FBN2: variants seen among roughly 807,000 people sequenced by gnomAD.
The protein encoded by FBN2 is fibrillin 2, also known as fibrillin-2.
In FBN2, 105 loss-of-function variants were observed where a neutral mutation model predicts 355.6. The ratio of observed to expected loss-of-function variants is 0.30; its 90% CI spans 0.25 to 0.35. FBN2 has a LOEUF of 0.35. FBN2 is among the 10% of genes least tolerant of loss of function. FBN2 has a pLI of 1.00. For synonymous variants in FBN2, 1,350 were observed against 1,301.2 expected (o/e 1.04, Z -0.81); for missense variants, 3,280 against 3,758.7 (o/e 0.87, Z 3.33).
intron 7 of FBN2, among the ~76,000 whole-genome samples, chr5:128,437,046 A>G (rs1753784754): frequency 6.6e-6 from 1 of 152,220 alleles, no homozygotes; most frequent in Non-Finnish European, 1.5e-5. Context: ...AATGTGAATG[A>G]GTCACCTTTT....
intron 44 of FBN2, 105 bp downstream of exon 44, chr5:128,305,406 G>A: frequency 7.6e-7 from 1 of 1,312,244 alleles, no homozygotes; most frequent in East Asian, 2.3e-5. Flanking sequence ...AAATGAACAG[G>A]TTAAGTGAGA....
chr5:128,335,721 T>C (rs1581224485), intron 28 of FBN2, 144 bp from the exon 29 acceptor site: 1 of 1,082,062 alleles, frequency 9.2e-7, no homozygotes, highest in Non-Finnish European at 1.4e-6. Context: ...CTTAGTTCTT[T>C]CACCTTCATT....
chr5:128,263,711 G>C, intron 62 of FBN2, 55 bp from the exon 63 acceptor site: 1 of 1,321,700 alleles, frequency 7.6e-7, no homozygotes, highest in Non-Finnish European at 1.1e-6. Context: ...GAGCAAAAAC[G>C]TGAACAAGTC....
chr5:128,489,492 T>G (rs1385805042), intron 5 of FBN2, among the ~76,000 whole-genome samples: 2 of 152,316 alleles, frequency 1.3e-5, no homozygotes, highest in African/African-American at 4.8e-5. Flanking sequence ...TTCCTTCTAG[T>G]CTACTTAAGA....
At position 128,361,830 on chromosome 5, in the gene FBN2, A is replaced by G. The variant is rs769698744; in HGVS notation, c.2447T>C (p.Val816Ala). 5.3e-5 allele frequency: 86 copies of G among 1,614,130 alleles called. No homozygotes were observed. The South Asian group carries it at 9.3e-4, about 18-fold the overall frequency. The change falls in exon 19 of 65, where the codon GTA becomes GCA. Residue 816 changes from valine (V) to alanine (A), a missense_variant. Val to Ala is a moderately conservative substitution (Grantham distance 64). Around this residue, in one of 6 missense-constraint regions of FBN2, gnomAD observed 2,284 missense variants for 2,749.5 expected, o/e 0.83. Transcript: ENST00000262464. ...RNCIDIDECL[V>A]NRLLCDNGLC... ...TCCGTTATCACAAAGCAGTCTGTTT[A>G]CTAAACATTCATCAATGTCTGAAAG...
At position 128,500,419 on chromosome 5, in the gene FBN2, C is replaced by A. The variant is rs796507861; in HGVS notation, c.628+18854G>T. ...GATATAGGGAATGAAAATGATGAGA[C>A]TCTGACAATTCTTTTTTTTTTTTTT... On this transcript the variant is annotated intron_variant, in intron 5 of 64. Transcript: ENST00000262464. 7.6e-4 allele frequency among the ~76,000 whole-genome samples: 104 copies of A among 136,744 alleles called. 1 individual carries two copies. The highest frequency in any genetic ancestry group is 2.9e-3 in the African/African-American group (103 of 35,412). 89.7% of individuals were successfully genotyped at this position (136,744 alleles called of 152,430 possible). A position where few individuals can be genotyped will look rare whatever the true frequency, so the allele number is the denominator to read the frequency against.
intron 5 of FBN2, among the ~76,000 whole-genome samples, chr5:128,503,940 C>T (rs1389537547): frequency 3.3e-5 from 5 of 152,106 alleles, no homozygotes; most frequent in Non-Finnish European, 5.9e-5. Context: ...GCCTGGTCCC[C>T]AGGCCCCCCA....
intron 4 of FBN2, among the ~76,000 whole-genome samples, chr5:128,520,109 G>C (rs114432033): frequency 0.026 from 3,931 of 152,170 alleles, 173 homozygotes; most frequent in African/African-American, 0.091. Context: ...CAAACACACA[G>C]CACACACTCT....
At chr5:128,536,928 T>C (rs1228262000) in intron 1 of FBN2, among the ~76,000 whole-genome samples, 1 of 151,896 alleles carries the variant, frequency 6.6e-6, no homozygotes, top group African/African-American at 2.4e-5. Flanking sequence ...GATGAGAAGG[T>C]GAGCTGTGAA....
chr5:128,310,485 G>T (rs1211386106), intron 39 of FBN2, among the ~76,000 whole-genome samples: 1 of 147,974 alleles, frequency 6.8e-6, no homozygotes, highest in Non-Finnish European at 1.5e-5. Context: ...TGTCACTTAG[G>T]CTAAGTTTTA....
chr5:128,477,235 C>T (rs896021672), intron 5 of FBN2, among the ~76,000 whole-genome samples: 25 of 152,200 alleles, frequency 1.6e-4, no homozygotes, highest in African/African-American at 6.0e-4. Context: ...TTAGTGGCTA[C>T]TGTCCTGGAC....
At chr5:128,469,709 T>A (rs761299051) in intron 5 of FBN2, among the ~76,000 whole-genome samples, 1 of 152,106 alleles carries the variant, frequency 6.6e-6, no homozygotes, top group Non-Finnish European at 1.5e-5. Context: ...GGAATAAAAG[T>A]TCCTGAATTC....
At chr5:128,416,028 T>C (rs1187140822) in intron 7 of FBN2, among the ~76,000 whole-genome samples, 1 of 144,728 alleles carries the variant, frequency 6.9e-6, no homozygotes, top group African/African-American at 2.5e-5. Context: ...AGTTTGCACT[T>C]TTTTTTTTTT....
At chr5:128,521,064 T>C (rs371819854) in intron 4 of FBN2, among the ~76,000 whole-genome samples, 1 of 152,160 alleles carries the variant, frequency 6.6e-6, no homozygotes, top group Non-Finnish European at 1.5e-5. Context: ...CCTACATGTA[T>C]GCGTATGTTC....
At chr5:128,329,912 C>T (rs1156301088) in intron 33 of FBN2, among the ~76,000 whole-genome samples, 1 of 152,128 alleles carries the variant, frequency 6.6e-6, no homozygotes, top group Non-Finnish European at 1.5e-5. Context: ...TGAGAGGATG[C>T]TTTATCCTCA....
intron 6 of FBN2, among the ~76,000 whole-genome samples, chr5:128,458,134 CA>C (rs1754451696): frequency 6.6e-6 from 1 of 151,900 alleles, no homozygotes; most frequent in Non-Finnish European, 1.5e-5. Flanking sequence ...ATTTACCAAG[CA>C]AAAGGAAAGC....
Position 128,351,102 on chromosome 5 carries a change from A to T in FBN2, c.2675-97T>A. ...GGCATTTGTTACAGTATTCTAAAAAAGAAAGATTACTGGCTCACGCCTGTA... is the reference window on the plus strand; with the variant it reads ...GGCATTTGTTACAGTATTCTAAAAATGAAAGATTACTGGCTCACGCCTGTA... On this transcript the variant is annotated intron_variant, in intron 20 of 64. Transcript: ENST00000262464. 4.8e-6 allele frequency: 7 copies of T among 1,463,400 alleles called. No individual in the cohort carries two copies. In the South Asian group the frequency reaches 8.0e-5, roughly 17 times the overall value. 90.7% of individuals were successfully genotyped at this position (1,463,400 alleles called of 1,614,324 possible).
intron 11 of FBN2, among the ~76,000 whole-genome samples, chr5:128,386,324 AT>A (rs1162857419): frequency 6.6e-6 from 1 of 152,050 alleles, no homozygotes; most frequent in African/African-American, 2.4e-5. Context: ...CAGAGATCAA[AT>A]GGTTGTAGGT....
chr5:128,401,136 C>T (rs1248939924), intron 8 of FBN2, among the ~76,000 whole-genome samples: 2 of 152,184 alleles, frequency 1.3e-5, no homozygotes, highest in Non-Finnish European at 2.9e-5. Context: ...ATGTCTTTCT[C>T]AGCAGTGAGA....
Sources: gnomAD v4.1 joint callset for allele counts (sites outside exome capture counted in the v4.1 genomes callset) on GRCh38, gnomAD v4.1.1 for gene constraint, gnomAD v4.1.1 regional missense constraint, MANE v1.5 for transcripts, NCBI Gene and HGNC (gene_info 2026-07-23, HGNC 2026-07-21) for gene names.